SLC22A3: variants seen among roughly 807,000 people sequenced by gnomAD.
SLC22A3 encodes EMT organic cation transporter 3.
SLC22A3 carries 51 observed loss-of-function variants against 59.1 expected under a neutral mutation model. The observed-to-expected ratio is 0.86, with a 90% CI of 0.69 to 1.09. The LOEUF is 1.09. SLC22A3 is among the 50% of genes least tolerant of loss of function. SLC22A3 has a pLI of 0.00. For synonymous variants in SLC22A3, 325 were observed against 292.0 expected (o/e 1.11, Z -1.15); for missense variants, 711 against 726.3 (o/e 0.98, Z 0.24).
intron 3 of SLC22A3, among the ~76,000 whole-genome samples, chr6:160,407,927 T>C (rs73782575): frequency 0.013 from 1,905 of 152,256 alleles, 47 homozygotes; most frequent in African/African-American, 0.043. Flanking sequence ...CTGTCACTGC[T>C]ATACAATCTC....
At chr6:160,436,724 A>G in intron 5 of SLC22A3, 56 bp from the exon 6 acceptor site, 2 of 1,101,032 alleles carry the variant, frequency 1.8e-6, no homozygotes, top group Non-Finnish European at 2.7e-6. Flanking sequence ...AGTCTATACT[A>G]TGCAGGTTTT....
chr6:160,382,379 A>C (rs1223681645), intron 1 of SLC22A3, among the ~76,000 whole-genome samples: 1 of 152,246 alleles, frequency 6.6e-6, no homozygotes, highest in Non-Finnish European at 1.5e-5. Flanking sequence ...CCACCAACTT[A>C]TGCAAACATA....
intron 2 of SLC22A3, among the ~76,000 whole-genome samples, chr6:160,403,792 G>A (rs1167195442): frequency 6.6e-6 from 1 of 151,382 alleles, no homozygotes; most frequent in Admixed American, 6.6e-5. Flanking sequence ...CAATCACATC[G>A]ACAAACTAAG....
At chr6:160,354,844 C>T (rs1784775789) in intron 1 of SLC22A3, among the ~76,000 whole-genome samples, 1 of 152,122 alleles carries the variant, frequency 6.6e-6, no homozygotes, top group Non-Finnish European at 1.5e-5. Context: ...GATACTTTCC[C>T]ACTGGACCCC....
At chr6:160,432,693 GGC>G (rs2114906994) in intron 5 of SLC22A3, among the ~76,000 whole-genome samples, 1 of 152,170 alleles carries the variant, frequency 6.6e-6, no homozygotes, top group South Asian at 2.1e-4. Flanking sequence ...CCCAATGTTA[GGC>G]TTAATTTTTA....
intron 5 of SLC22A3, chr6:160,426,040 T>G: frequency 1.0e-6 from 1 of 985,440 alleles, no homozygotes; most frequent in South Asian, 4.7e-5. Context: ...TGAGTTACCA[T>G]GTGCAGAAAA....
At chr6:160,438,621 CACA>C (rs1788435947) in intron 7 of SLC22A3, among the ~76,000 whole-genome samples, 1 of 132,364 alleles carries the variant, frequency 7.6e-6, no homozygotes, top group East Asian at 2.4e-4. Context: ...CACACACACA[CACA>C]ATGTACAAGT....
intron 1 of SLC22A3, among the ~76,000 whole-genome samples, chr6:160,362,899 A>C (rs1464071191): frequency 6.6e-6 from 1 of 152,206 alleles, no homozygotes; most frequent in East Asian, 1.9e-4. Context: ...AGGAGCCAGG[A>C]GGGTGCACGA....
intron 7 of SLC22A3, among the ~76,000 whole-genome samples, chr6:160,441,607 CT>C (rs3066987): frequency 0.013 from 1,831 of 136,496 alleles, 27 homozygotes; most frequent in African/African-American, 0.044. Flanking sequence ...TGAATTTTAG[CT>C]TTTTTTTTTT....
chr6:160,439,780 T>C (rs1262816753), intron 7 of SLC22A3, among the ~76,000 whole-genome samples: 1 of 152,240 alleles, frequency 6.6e-6, no homozygotes, highest in African/African-American at 2.4e-5. Context: ...TAGTCATATG[T>C]CAGTCATGAC....
intron 5 of SLC22A3, among the ~76,000 whole-genome samples, chr6:160,429,066 G>A (rs1788061756): frequency 6.6e-6 from 1 of 152,178 alleles, no homozygotes; most frequent in African/African-American, 2.4e-5. Flanking sequence ...TCACTGCCGA[G>A]CTTCCTCCCA....
At chr6:160,431,345 G>A (rs1364342948) in intron 5 of SLC22A3, among the ~76,000 whole-genome samples, 1 of 152,136 alleles carries the variant, frequency 6.6e-6, no homozygotes, top group Non-Finnish European at 1.5e-5. Context: ...TCCAAGATAC[G>A]GTTTTAAGTC....
At chr6:160,375,729 A>C (rs1183440759) in intron 1 of SLC22A3, among the ~76,000 whole-genome samples, 1 of 152,196 alleles carries the variant, frequency 6.6e-6, no homozygotes, top group Non-Finnish European at 1.5e-5. Context: ...ATATTTACCT[A>C]AGTACAAGTG....
intron 5 of SLC22A3, among the ~76,000 whole-genome samples, chr6:160,433,103 A>T (rs142319905): frequency 3.2e-3 from 488 of 152,340 alleles, no homozygotes; most frequent in African/African-American, 0.011. Context: ...TACGATGGTA[A>T]AGGTAAGTAG....
In SLC22A3 at chr6:160,376,133, A is replaced by T. The variant is rs1000661704; in HGVS notation, c.430-21846A>T. On this transcript the variant is annotated intron_variant, in intron 1 of 10. Coordinates refer to ENST00000275300, the MANE Select transcript of SLC22A3 (RefSeq NM_021977.4). ...CCATCAGTGATAAAGAAAATGTGGT[A>T]CATATATACCATAGAATACTATGCA... 2.6e-5 allele frequency among the ~76,000 whole-genome samples: 4 copies of T among 152,234 alleles called. No individual in the cohort carries two copies. The South Asian group carries it at 6.2e-4, about 24-fold the overall frequency.
At chr6:160,408,626 CG>C in intron 3 of SLC22A3, 126 bp from the exon 4 acceptor site, 1 of 832,630 alleles carries the variant, frequency 1.2e-6, no homozygotes, top group Non-Finnish European at 1.9e-6. Flanking sequence ...TGGAAGCCTC[CG>C]TATCTGAGTG....
chr6:160,410,086 G>C (rs147854371), intron 4 of SLC22A3, among the ~76,000 whole-genome samples: 1 of 152,126 alleles, frequency 6.6e-6, no homozygotes, highest in Admixed American at 6.6e-5. Flanking sequence ...GTGCGATCTC[G>C]GCTCACTGCA....
chr6:160,391,435 A>G (rs1313338288), intron 1 of SLC22A3, among the ~76,000 whole-genome samples: 1 of 152,146 alleles, frequency 6.6e-6, no homozygotes, highest in African/African-American at 2.4e-5. Context: ...ACTGTGTCTC[A>G]GGCACTGGGC....
chr6:160,383,120 C>G (rs1353504118), intron 1 of SLC22A3, among the ~76,000 whole-genome samples: 5 of 152,214 alleles, frequency 3.3e-5, no homozygotes, highest in Non-Finnish European at 7.3e-5. Context: ...TAGGGCTGCA[C>G]TATGCCAGGA....
Sources: gnomAD v4.1 joint callset for allele counts (sites outside exome capture counted in the v4.1 genomes callset) on GRCh38, gnomAD v4.1.1 for gene constraint, MANE v1.5 for transcripts, NCBI Gene and HGNC (gene_info 2026-07-23, HGNC 2026-07-21) for gene names.